The following RAD23A variants were observed in gnomAD, a reference collection of about 807,000 sequenced individuals.
RAD23A encodes the protein lysine-specific demethylase RAD23A.
RAD23A carries 16 observed loss-of-function variants against 44.8 expected under a neutral mutation model. That is an observed-to-expected ratio of 0.36 (90% CI 0.24 to 0.54). RAD23A has a LOEUF of 0.54. RAD23A is among the 20% of genes least tolerant of loss of function. RAD23A has a pLI of 0.89. For synonymous variants in RAD23A, 217 were observed against 202.9 expected (o/e 1.07, Z -0.59); for missense variants, 380 against 483.3 (o/e 0.79, Z 2.00).
At position 12,953,154 on chromosome 19, in the gene RAD23A, A is replaced by C. The variant is rs1264512947; in HGVS notation, c.*105A>C. ...TTCATGTTTATTTAAGAAATGGAAAAAAAAATCAAAAATCTTAAAAAAACA... is the reference window on the plus strand; with the variant it reads ...TTCATGTTTATTTAAGAAATGGAAACAAAAATCAAAAATCTTAAAAAAACA... On this transcript the variant is annotated 3_prime_UTR_variant, in exon 9 of 9. Transcript: ENST00000586534. 1.3e-6 allele frequency: 1 copy of C among 794,020 alleles called. No individual in the cohort carries two copies. The highest frequency in any genetic ancestry group is 1.9e-6 in the Non-Finnish European group (1 of 529,432). The allele number at this position is 794,020 out of a possible 1,614,324, so 49.2% of individuals were successfully genotyped here. A position where few individuals can be genotyped will look rare whatever the true frequency, so the allele number is the denominator to read the frequency against.
Position 12,948,792 on chromosome 19 carries a change from A to C in RAD23A, c.579A>C (p.Arg193=). The C allele has an allele frequency of 9.3e-6, 15 of 1,611,212 alleles. No individual in the cohort carries two copies. The highest frequency in any genetic ancestry group is 1.2e-5 in the Non-Finnish European group (14 of 1,179,200). ...ALRASYNNPH[R]AVEYLLTGIP... ...GAGCCAGCTACAACAACCCCCACCG[A>C]GCCGTGGAGTATCTGCTCACGGTGA... is the stretch of plus-strand genomic sequence containing the variant. Residue 193 remains arginine (R), a synonymous_variant, in exon 5 of 9, where the codon CGA becomes CGC. Transcript: ENST00000586534. This position sits in a 1 kb window ranked among gnomAD's most constrained non-coding sequence, Gnocchi z 5.5.
At chr19:12,949,835 G>T (rs916717116) in intron 7 of RAD23A, among the ~76,000 whole-genome samples, 2 of 152,050 alleles carry the variant, frequency 1.3e-5, no homozygotes, top group Non-Finnish European at 2.9e-5. Flanking sequence ...ACTCTGCTCA[G>T]TGAGGCTCCA....
chr19:12,952,588 A>G (rs1250443735), intron 7 of RAD23A, 101 bp from the exon 8 acceptor site: 9 of 1,347,714 alleles, frequency 6.7e-6, no homozygotes, highest in South Asian at 4.1e-5. Flanking sequence ...GCTCCTCTGG[A>G]TATTTGCCTG....
intron 1 of RAD23A, among the ~76,000 whole-genome samples, chr19:12,946,297 G>T (rs1267916891): frequency 6.6e-6 from 1 of 152,222 alleles, no homozygotes; most frequent in Non-Finnish European, 1.5e-5. Flanking sequence ...GCGGGGCGCG[G>T]GAGTCACAAG....
Position 12,953,060 on chromosome 19 carries a change from C to T in RAD23A, c.*11C>T, listed in dbSNP as rs1971859465. 1 of 1,607,162 alleles carries T rather than the reference C, an allele frequency of 6.2e-7. No individual in the cohort carries two copies. The highest frequency in any genetic ancestry group is 2.2e-5 in the East Asian group (1 of 44,808). Reference sequence around the variant, plus strand: ...TTTGATGACGAGTGATGCCAGGAAGCCAGGCCACCGAAGCCCCCACCCTAC... The same window carrying T: ...TTTGATGACGAGTGATGCCAGGAAGTCAGGCCACCGAAGCCCCCACCCTAC... On this transcript the variant is annotated 3_prime_UTR_variant, in exon 9 of 9. Transcript: ENST00000586534.
chr19:12,948,835 C>T lies in RAD23A; in HGVS notation c.600+22C>T, dbSNP rs1326483170. 1.3e-6 allele frequency: 2 copies of T among 1,582,898 alleles called. No homozygotes were observed. The highest frequency in any genetic ancestry group is 1.7e-6 in the Non-Finnish European group (2 of 1,168,392). ...CACGGTGAGGTGGGGCTTCCGCCTC[C>T]CGGGGAGGCCTTGAGGGAGTACCCG... On this transcript the variant is annotated intron_variant, in intron 5 of 8. Coordinates refer to ENST00000586534, the MANE Select transcript of RAD23A (RefSeq NM_005053.4). This position sits in a 1 kb window ranked among gnomAD's most constrained non-coding sequence, Gnocchi z 5.5.
In RAD23A at chr19:12,949,179, A is replaced by G; in HGVS notation, c.679+20A>G. On this transcript the variant is annotated intron_variant, in intron 6 of 8. Transcript: ENST00000586534. Reference sequence around the variant, plus strand: ...AAGCAGGTGGGTGTGCACATGCCGCATCTGCCCTCCAGGTACCTGACTCAC... The same window carrying G: ...AAGCAGGTGGGTGTGCACATGCCGCGTCTGCCCTCCAGGTACCTGACTCAC... The G allele has an allele frequency of 6.2e-7, 1 of 1,614,076 alleles. No homozygotes were observed. The highest frequency in any genetic ancestry group is 1.1e-5 in the South Asian group (1 of 91,080).
At chr19:12,946,167 A>T in intron 1 of RAD23A, 147 bp downstream of exon 1, 1 of 767,764 alleles carries the variant, frequency 1.3e-6, no homozygotes, top group Non-Finnish European at 2.0e-6. Flanking sequence ...ACTTTCCTGG[A>T]CCCCCCGATG....
At chr19:12,947,058 CAATA>C (rs1320736815) in intron 1 of RAD23A, among the ~76,000 whole-genome samples, 1 of 152,068 alleles carries the variant, frequency 6.6e-6, no homozygotes, top group Non-Finnish European at 1.5e-5. Flanking sequence ...AAACAAAAAT[CAATA>C]AATAAAATGA....
rs777872187 is a variant in RAD23A, at chr19:12,949,267, A to ACTAC, written c.680-6_680-3dup. 6.2e-7 allele frequency: 1 copy of ACTAC among 1,613,886 alleles called. No individual in the cohort carries two copies. Among genetic ancestry groups the ACTAC allele is most frequent in the East Asian group, 2.2e-5 (1 of 44,866 alleles). ...GTGGTGTCTGACTGCACCCCTTCCT[A>ACTAC]CTACCAGCAGGAGAGAACCCCCTGG... On this transcript the variant is annotated splice_polypyrimidine_tract_variant and splice_region_variant and intron_variant, in intron 6 of 8. Transcript: ENST00000586534.
chr19:12,951,007 T>G (rs952460042), intron 7 of RAD23A, among the ~76,000 whole-genome samples: 4 of 152,146 alleles, frequency 2.6e-5, no homozygotes, highest in Admixed American at 6.5e-5. Flanking sequence ...GAAATTACAG[T>G]GAACCGAGAT....
chr19:12,951,142 T>A (rs79718371), intron 7 of RAD23A, among the ~76,000 whole-genome samples: 4,085 of 152,284 alleles, frequency 0.027, 96 homozygotes, highest in Middle Eastern at 0.048. Flanking sequence ...TTTTTTTGGT[T>A]TGGGGGCTGG....
Position 12,948,056 on chromosome 19 carries a change from G to A in RAD23A, c.234+47G>A. Reference sequence around the variant, plus strand: ...GGAGGGTGGGTGGACGAGCTGGGGAGCTGGCAAAGAGCCTGTGTGCCCAGG... The same window carrying A: ...GGAGGGTGGGTGGACGAGCTGGGGAACTGGCAAAGAGCCTGTGTGCCCAGG... On this transcript the variant is annotated intron_variant, in intron 2 of 8. Coordinates refer to ENST00000586534, the MANE Select transcript of RAD23A (RefSeq NM_005053.4). The surrounding 1 kb of genome is among the most constrained non-coding windows in gnomAD (Gnocchi z 5.5). The A allele has an allele frequency of 6.2e-7, 1 of 1,609,194 alleles. No individual in the cohort carries two copies. Among genetic ancestry groups the A allele is most frequent in the Non-Finnish European group, 8.5e-7 (1 of 1,177,902 alleles).
Position 12,948,583 on chromosome 19 carries a change from CTG to C in RAD23A, c.472+32_472+33del, listed in dbSNP as rs755644536. 168 of 1,577,538 alleles carry C rather than the reference CTG, an allele frequency of 1.1e-4. No homozygotes were observed. In the Middle Eastern group the frequency reaches 3.2e-3, roughly 30 times the overall value. ...TGGGTGGTCCCCAGGGCAGAGGTGA[CTG>C]GGTGCCCCAGCCATCAGCTGGGCCT... On this transcript the variant is annotated intron_variant, in intron 4 of 8. Coordinates refer to ENST00000586534, the MANE Select transcript of RAD23A (RefSeq NM_005053.4). The surrounding 1 kb of genome is among the most constrained non-coding windows in gnomAD (Gnocchi z 5.5).
chr19:12,952,452 A>G, intron 7 of RAD23A: 1 of 449,288 alleles, frequency 2.2e-6, no homozygotes, highest in Non-Finnish European at 3.9e-6. Flanking sequence ...TCTGCCTCCC[A>G]AAGTGCTGGG....
At position 12,953,346 on chromosome 19, in the gene RAD23A, G is replaced by A; in HGVS notation, c.*297G>A. On this transcript the variant is annotated 3_prime_UTR_variant, in exon 9 of 9. Transcript: ENST00000586534. ...TTGGCCTCTGTCCCAGCTCTCTGCAGCCAGACGGAAAGGCGGCTGCTTGCC... is the reference window on the plus strand; with the variant it reads ...TTGGCCTCTGTCCCAGCTCTCTGCAACCAGACGGAAAGGCGGCTGCTTGCC... 4.4e-6 allele frequency: 1 copy of A among 228,902 alleles called. No homozygotes were observed. The highest frequency in any genetic ancestry group is 2.3e-5 in the African/African-American group (1 of 44,330). 14.2% of individuals were successfully genotyped at this position (228,902 alleles called of 1,614,324 possible).
intron 1 of RAD23A, among the ~76,000 whole-genome samples, chr19:12,946,249 G>T (rs1240431950): frequency 6.6e-6 from 1 of 152,208 alleles, no homozygotes; most frequent in African/African-American, 2.4e-5. Flanking sequence ...CCACCCCCGG[G>T]GCGCTGGCCA....
Position 12,950,533 on chromosome 19 carries a change from C to G in RAD23A, c.813+1125C>G, listed in dbSNP as rs1233660955. Among the ~76,000 whole-genome samples the G allele has an allele frequency of 7.2e-5, 11 of 152,154 alleles. No individual in the cohort carries two copies. In the East Asian group the frequency reaches 1.9e-3, roughly 27 times the overall value. On this transcript the variant is annotated intron_variant, in intron 7 of 8. Transcript: ENST00000586534. The stretch of plus-strand genomic sequence containing the variant: ...GATTCTTTTGCCCCCGCCCGAGTAG[C>G]TGGGACTACAGGCGCCCGCCACCAC...
chr19:12,949,633 G>A (rs1460798968), intron 7 of RAD23A: 1 of 575,612 alleles, frequency 1.7e-6, no homozygotes, highest in East Asian at 2.9e-5. Flanking sequence ...TCCCACAGAA[G>A]AAGACACCGG....
Sources: gnomAD v4.1 joint callset for allele counts (sites outside exome capture counted in the v4.1 genomes callset) on GRCh38, gnomAD v4.1.1 for gene constraint, Gnocchi (gnomAD v3.1) non-coding constraint, MANE v1.5 for transcripts, NCBI Gene and HGNC (gene_info 2026-07-23, HGNC 2026-07-21) for gene names.